The following NDUFS4 variants were observed in gnomAD, a reference collection of about 807,000 sequenced individuals.
NDUFS4 encodes the protein NADH dehydrogenase [ubiquinone] iron-sulfur protein 4, mitochondrial.
A neutral mutation model predicts 24.3 loss-of-function variants in NDUFS4; 28 were observed. The observed-to-expected ratio is 1.15, with a 90% CI of 0.85 to 1.58. The LOEUF (loss-of-function observed/expected upper bound fraction) is 1.58, where lower values mean the gene tolerates loss of function less well. NDUFS4 is among the 40% of genes most tolerant of loss of function. The pLI, the probability that NDUFS4 is intolerant of heterozygous loss-of-function variation, is 0.00. For synonymous variants in NDUFS4, 93 were observed against 69.7 expected, an observed-to-expected ratio of 1.34 and a Z score of -1.67; for missense variants, 223 against 207.9, an observed-to-expected ratio of 1.07 and a Z score of -0.45.
At chr5:53,614,409 A>G (rs560149361) in intron 2 of NDUFS4, among the ~76,000 whole-genome samples, 30 of 152,080 alleles carry the variant, frequency 2.0e-4, no homozygotes, top group Non-Finnish European at 2.8e-4. Flanking sequence ...TGATCGTTCT[A>G]TATTTAAATT....
intron 1 of NDUFS4, among the ~76,000 whole-genome samples, chr5:53,570,409 TC>T (rs1749170251): frequency 6.6e-6 from 1 of 152,222 alleles, no homozygotes; most frequent in Admixed American, 6.5e-5. Flanking sequence ...CCACAGTTTA[TC>T]CATTTACCTA....
chr5:53,585,452 T>A (rs1749717616), intron 1 of NDUFS4, among the ~76,000 whole-genome samples: 1 of 152,144 alleles, frequency 6.6e-6, no homozygotes, highest in African/African-American at 2.4e-5. Flanking sequence ...CTAACCACAA[T>A]GAAAATTTTT....
intron 3 of NDUFS4, among the ~76,000 whole-genome samples, chr5:53,651,236 G>T (rs557337040): frequency 6.6e-6 from 1 of 151,844 alleles, no homozygotes; most frequent in Admixed American, 6.6e-5. Context: ...TTAGAACAGA[G>T]AATTGCTACT....
intron 1 of NDUFS4, among the ~76,000 whole-genome samples, chr5:53,582,935 T>G (rs140567750): frequency 1.3e-5 from 2 of 152,202 alleles, no homozygotes; most frequent in Admixed American, 6.5e-5. Context: ...GGAGTCTCGC[T>G]CTGTCACCCA....
intron 2 of NDUFS4, among the ~76,000 whole-genome samples, chr5:53,625,154 C>T (rs1751177380): frequency 6.6e-6 from 1 of 152,012 alleles, no homozygotes; most frequent in South Asian, 2.1e-4. Flanking sequence ...CGCCATGTTA[C>T]CCAGGCTGGT....
At chr5:53,618,483 A>G (rs1383516232) in intron 2 of NDUFS4, among the ~76,000 whole-genome samples, 1 of 152,174 alleles carries the variant, frequency 6.6e-6, no homozygotes, top group Non-Finnish European at 1.5e-5. Flanking sequence ...ACCCTGGAGC[A>G]CAATATTGGC....
intron 4 of NDUFS4, among the ~76,000 whole-genome samples, chr5:53,681,480 A>G (rs1374145461): frequency 6.6e-6 from 1 of 152,120 alleles, no homozygotes; most frequent in Non-Finnish European, 1.5e-5. Context: ...ATGAAAGACA[A>G]AGTTTTCTTA....
At chr5:53,661,842 A>G (rs1001048076) in intron 4 of NDUFS4, among the ~76,000 whole-genome samples, 1 of 152,154 alleles carries the variant, frequency 6.6e-6, no homozygotes, top group Non-Finnish European at 1.5e-5. Context: ...TTGCACATGG[A>G]TTTTATATCC....
At chr5:53,650,571 G>T (rs992618699) in intron 3 of NDUFS4, among the ~76,000 whole-genome samples, 1 of 152,224 alleles carries the variant, frequency 6.6e-6, no homozygotes, top group African/African-American at 2.4e-5. Context: ...TCTTGTCTGT[G>T]TCTCTGTCTT....
chr5:53,654,798 G>A (rs1301909625), intron 3 of NDUFS4, among the ~76,000 whole-genome samples: 4 of 152,104 alleles, frequency 2.6e-5, no homozygotes, highest in Non-Finnish European at 5.9e-5. Flanking sequence ...AGTTCTCTTA[G>A]GTAAATCAAG....
chr5:53,618,143 G>T (rs931644999), intron 2 of NDUFS4, among the ~76,000 whole-genome samples: 1 of 152,020 alleles, frequency 6.6e-6, no homozygotes, highest in Non-Finnish European at 1.5e-5. Context: ...GTAGTGGCGC[G>T]TGCCTGTGGT....
At chr5:53,611,120 T>C (rs1750681195) in intron 2 of NDUFS4, among the ~76,000 whole-genome samples, 1 of 152,032 alleles carries the variant, frequency 6.6e-6, no homozygotes, top group Non-Finnish European at 1.5e-5. Flanking sequence ...TTTAGAATTT[T>C]CTATACAGTA....
intron 4 of NDUFS4, among the ~76,000 whole-genome samples, chr5:53,663,333 G>C (rs1322071922): frequency 6.6e-6 from 1 of 152,150 alleles, no homozygotes; most frequent in Admixed American, 6.6e-5. Flanking sequence ...GAGTTCTATA[G>C]ATGTCTATTA....
intron 1 of NDUFS4, among the ~76,000 whole-genome samples, chr5:53,564,862 CAT>C (rs1748968928): frequency 6.6e-6 from 1 of 152,128 alleles, no homozygotes; most frequent in African/African-American, 2.4e-5. Context: ...GTAATGTCGG[CAT>C]ATAGTAAGCC....
intron 4 of NDUFS4, among the ~76,000 whole-genome samples, chr5:53,670,910 T>C (rs1297293957): frequency 2.0e-5 from 3 of 151,386 alleles, no homozygotes; most frequent in African/African-American, 7.3e-5. Flanking sequence ...CTCTTTACTA[T>C]ATAGATATAT....
intron 1 of NDUFS4, among the ~76,000 whole-genome samples, chr5:53,582,584 G>A (rs780439766): frequency 6.6e-6 from 1 of 152,206 alleles, no homozygotes; most frequent in Non-Finnish European, 1.5e-5. Context: ...ATCCCTGGCC[G>A]GGAATTAATT....
intron 2 of NDUFS4, among the ~76,000 whole-genome samples, chr5:53,619,927 A>G (rs1476127751): frequency 6.6e-6 from 1 of 152,194 alleles, no homozygotes; most frequent in African/African-American, 2.4e-5. Flanking sequence ...CAATGCTAGA[A>G]TGAACATCTT....
intron 4 of NDUFS4, among the ~76,000 whole-genome samples, chr5:53,677,466 TAGA>T (rs1296783628): frequency 1.3e-5 from 2 of 152,202 alleles, no homozygotes; most frequent in African/African-American, 4.8e-5. Flanking sequence ...GTATTTTCTA[TAGA>T]AGATCTAGGA....
In NDUFS4 at chr5:53,647,933, TTTAA is replaced by T. The variant is rs746642009; in HGVS notation, c.350+1535_350+1538del. On this transcript the variant is annotated intron_variant, in intron 3 of 4. Transcript: ENST00000296684. ...TCTTAGTTTTTTTCTTATGTTGCAG[TTTAA>T]TTAATTTATTAAAATGAGAAAAAAG... is the stretch of plus-strand genomic sequence containing the variant. Among the ~76,000 whole-genome samples the T allele has an allele frequency of 7.2e-5, 11 of 152,260 alleles. No individual in the cohort carries two copies. In the South Asian group the frequency reaches 8.3e-4, roughly 11 times the overall value.
Sources: allele counts gnomAD v4.1 joint callset (sites outside exome capture counted in the v4.1 genomes callset), GRCh38; gene constraint gnomAD v4.1.1; transcripts MANE v1.5; gene names NCBI Gene and HGNC (gene_info 2026-07-23, HGNC 2026-07-21).